AXIN1: variants seen among roughly 807,000 people sequenced by gnomAD.
AXIN1 encodes the protein axin-1.
Under a neutral mutation model 76.4 loss-of-function variants are expected in AXIN1, and 30 were observed. The ratio of observed to expected loss-of-function variants is 0.39; its 90% confidence interval spans 0.29 to 0.53. The LOEUF (loss-of-function observed/expected upper bound fraction) is 0.53, where lower values mean the gene tolerates loss of function less well. Among genes scored for constraint, AXIN1 ranks in the 20% least tolerant of loss-of-function variants. The pLI is 0.66. For synonymous variants in AXIN1, 545 were observed against 501.4 expected (o/e 1.09, Z -1.16); for missense variants, 1,140 against 1,198.8 (o/e 0.95, Z 0.72).
rs1375883447 is a variant in AXIN1, at chr16:304,304, C to T, written c.1254G>A (p.Met418Ile). The T allele has an allele frequency of 6.2e-7, 1 of 1,611,636 alleles. No individual in the cohort carries two copies. The highest frequency in any genetic ancestry group is 1.7e-5 in the Admixed American group (1 of 59,994). The change falls in exon 5 of 11, where the codon ATG (methionine) becomes ATA (isoleucine). Residue 418 changes from methionine (M) to isoleucine (I), a missense_variant and splice_region_variant. By Grantham distance (10) the Met-to-Ile change is conservative. Coordinates refer to ENST00000262320, the MANE Select transcript of AXIN1 (RefSeq NM_003502.4). ...KLEERLKRVRMEEEGEDGDPS... is the reference protein window; with the variant it reads ...KLEERLKRVRIEEEGEDGDPS... ...CGCGACACCGACGCGGCCCACTCAC[C>T]ATGCGCACGCGCTTCAGCCGCTCCT...
At chr16:291,486 C>T (rs371746579) in intron 8 of AXIN1, 189 bp from the exon 9 acceptor site, 42 of 639,528 alleles carry the variant, frequency 6.6e-5, no homozygotes, top group African/African-American at 9.0e-5. Context: ...TGGTGGTACC[C>T]GATACTGCAG....
At chr16:311,220 C>A (rs1386710619) in intron 3 of AXIN1, among the ~76,000 whole-genome samples, 1 of 151,630 alleles carries the variant, frequency 6.6e-6, no homozygotes, top group Non-Finnish European at 1.5e-5. Flanking sequence ...TTAGTAGAGA[C>A]GGGGTTTCAC....
intron 2 of AXIN1, among the ~76,000 whole-genome samples, chr16:325,254 G>A (rs563547268): frequency 3.2e-4 from 49 of 152,296 alleles, no homozygotes; most frequent in South Asian, 1.0e-3. Flanking sequence ...GAGGTCAGTC[G>A]GCCTTTTCTA....
At chr16:297,601 A>C (rs2052749100) in intron 6 of AXIN1, 121 bp downstream of exon 6, 1 of 1,354,092 alleles carries the variant, frequency 7.4e-7, no homozygotes, top group Admixed American at 2.7e-5. Context: ...CCTCCAGCAG[A>C]GGGGCCTCCT....
At chr16:337,054 G>A (rs1202637341) in intron 2 of AXIN1, among the ~76,000 whole-genome samples, 1 of 149,648 alleles carries the variant, frequency 6.7e-6, no homozygotes, top group African/African-American at 2.5e-5. Flanking sequence ...GGAGGCTGAG[G>A]GAGGAGGAGC....
Position 344,184 on chromosome 16 carries a change from G to A in AXIN1, c.878+1964C>T, listed in dbSNP as rs186888471. Among the ~76,000 whole-genome samples, 174 of 151,992 alleles carry A rather than the reference G, an allele frequency of 1.1e-3. 2 individuals are homozygous for A. The highest frequency in any genetic ancestry group is 9.5e-3 in the South Asian group (46 of 4,820). On this transcript the variant is annotated intron_variant, in intron 2 of 10. Coordinates refer to ENST00000262320, the MANE Select transcript of AXIN1 (RefSeq NM_003502.4). ...GTGGTGGCCCACGTCTGTAATCCCC[G>A]CACTTTGGGAGACTGAGGCAGGCGA... is the stretch of plus-strand genomic sequence containing the variant.
chr16:328,024 T>G (rs1324829813), intron 2 of AXIN1, among the ~76,000 whole-genome samples: 1 of 152,020 alleles, frequency 6.6e-6, no homozygotes, highest in African/African-American at 2.4e-5. Context: ...TGAGGCAGAA[T>G]GCCTTAAAGC....
intron 2 of AXIN1, 81 bp downstream of exon 2, chr16:346,067 G>GCC: frequency 7.0e-7 from 1 of 1,436,898 alleles, no homozygotes; most frequent in South Asian, 1.2e-5. Context: ...GTTAACGCCC[G>GCC]CCTCATCAGC....
chr16:315,832 GAAAAA>G (rs922939817), intron 2 of AXIN1, among the ~76,000 whole-genome samples: 2 of 72,710 alleles, frequency 2.8e-5, no homozygotes, highest in African/African-American at 4.9e-5. Flanking sequence ...TGTCTCAAAA[GAAAAA>G]AAAAAAAAAA....
intron 1 of AXIN1, 33 bp downstream of exon 1, chr16:352,336 G>A: frequency 4.1e-6 from 4 of 978,618 alleles, no homozygotes; most frequent in Non-Finnish European, 4.8e-6. Flanking sequence ...GCCTACCGCG[G>A]CCTAGCCCGC....
At position 287,987 on chromosome 16, in the gene AXIN1, G is replaced by A. The variant is rs45528942; in HGVS notation, c.*135C>T. On this transcript the variant is annotated 3_prime_UTR_variant, in exon 11 of 11. Transcript: ENST00000262320. ...GGACCCCCTACCTGCCTCTAGACACGGGTAGACCACAGGGATGGGTGGTAC... is the reference window on the plus strand; with the variant it reads ...GGACCCCCTACCTGCCTCTAGACACAGGTAGACCACAGGGATGGGTGGTAC... 0.016 allele frequency: 23,775 copies of A among 1,470,898 alleles called. 288 individuals are homozygous for A. Among genetic ancestry groups the A allele is most frequent in the Middle Eastern group, 0.052 (235 of 4,500 alleles). 91.1% of individuals were successfully genotyped at this position (1,470,898 alleles called of 1,614,324 possible).
At chr16:346,028 C>T in intron 2 of AXIN1, 120 bp downstream of exon 2, 1 of 963,794 alleles carries the variant, frequency 1.0e-6, no homozygotes, top group Non-Finnish European at 1.6e-6. Flanking sequence ...CAAAATTCAA[C>T]CCCAGCGGCA....
At chr16:352,271 T>G in intron 1 of AXIN1, 98 bp downstream of exon 1, 2 of 734,304 alleles carry the variant, frequency 2.7e-6, no homozygotes, top group Middle Eastern at 7.0e-4. Flanking sequence ...ACCCCCTCGG[T>G]CCCACGCGCG....
At chr16:352,332 C>G (rs2054163346) in intron 1 of AXIN1, 37 bp downstream of exon 1, 1 of 977,736 alleles carries the variant, frequency 1.0e-6, no homozygotes, top group Non-Finnish European at 1.2e-6. Flanking sequence ...CCCGGCCTAC[C>G]GCGGCCTAGC....
In AXIN1 at chr16:320,740, TATA is replaced by T. The variant is rs1331791106; in HGVS notation, c.879-6060_879-6058del. On this transcript the variant is annotated intron_variant, in intron 2 of 10. Transcript: ENST00000262320. ...GTGTGTGTGTATATATATATATATATATATTTTTTTTTTTTTTGAGACGGAGCC... is the reference window on the plus strand; with the variant it reads ...GTGTGTGTGTATATATATATATATATTTTTTTTTTTTTTTGAGACGGAGCC... 4.4e-3 allele frequency among the ~76,000 whole-genome samples: 418 copies of T among 95,204 alleles called. 1 individual carries two copies. Among genetic ancestry groups the T allele is most frequent in the African/African-American group, 0.017 (276 of 16,670 alleles). The allele number at this position is 95,204 out of a possible 152,430, so 62.5% of individuals were successfully genotyped here.
At chr16:297,032 G>C in intron 7 of AXIN1, 24 bp downstream of exon 7, 1 of 1,607,532 alleles carries the variant, frequency 6.2e-7, no homozygotes, top group Non-Finnish European at 8.5e-7. Context: ...GCCCCACGAG[G>C]CTGGCTGCGT....
chr16:315,935 C>A (rs2053292246), intron 2 of AXIN1, among the ~76,000 whole-genome samples: 1 of 151,748 alleles, frequency 6.6e-6, no homozygotes, highest in African/African-American at 2.4e-5. Context: ...CACCTGTAAT[C>A]CCAGCTACTT....
intron 1 of AXIN1, among the ~76,000 whole-genome samples, 158 bp downstream of exon 1, chr16:352,211 C>G (rs2054160529): frequency 6.6e-6 from 1 of 151,712 alleles, no homozygotes; most frequent in Non-Finnish European, 1.5e-5. Context: ...GCCACCGCGC[C>G]GCCAGTCCCG....
Position 346,576 on chromosome 16 carries a change from A to C in AXIN1, c.450T>G (p.Leu150=), listed in dbSNP as rs768782311. The C allele has an allele frequency of 2.2e-5, 36 of 1,611,802 alleles. No homozygotes were observed. The highest frequency in any genetic ancestry group is 3.0e-5 in the Non-Finnish European group (35 of 1,178,452). The change falls in exon 2 of 11, where the codon CTT becomes CTG. Residue 150 remains leucine (L), a synonymous_variant. Coordinates refer to ENST00000262320, the MANE Select transcript of AXIN1 (RefSeq NM_003502.4). ...LARAIYRKYI[L]DNNGIVSRQT... is the part of the protein sequence containing the mutation. ...GCCGGGACACGATGCCATTGTTATC[A>C]AGAATGTACTTTCGGTAGATGGCTC...
Sources: gnomAD v4.1 joint callset for allele counts (sites outside exome capture counted in the v4.1 genomes callset) on GRCh38, gnomAD v4.1.1 for gene constraint, MANE v1.5 for transcripts, NCBI Gene and HGNC (gene_info 2026-07-23, HGNC 2026-07-21) for gene names.